AGAP1: variants seen among roughly 807,000 people sequenced by gnomAD.
AGAP1 encodes arf-GAP with GTPase, ANK repeat and PH domain-containing protein 1.
A neutral mutation model predicts 105.3 loss-of-function variants in AGAP1; 29 were observed. The observed-to-expected ratio is 0.28, with a 90% confidence interval of 0.21 to 0.38. AGAP1 has a LOEUF of 0.38. AGAP1 is among the 10% of genes least tolerant of loss of function. AGAP1 has a pLI of 1.00. For synonymous variants in AGAP1, 509 were observed against 485.9 expected (o/e 1.05, Z -0.63); for missense variants, 998 against 1,165.1 (o/e 0.86, Z 2.09).
In AGAP1 at chr2:236,078,499, T is replaced by C. The variant is rs946845840; in HGVS notation, c.2114+29218T>C. On this transcript the variant is annotated intron_variant, in intron 16 of 17. Transcript: ENST00000304032. The surrounding 1 kb of genome is among the most constrained non-coding windows in gnomAD (Gnocchi z 5.3). The stretch of plus-strand genomic sequence containing the variant: ...ATCATGAGTCATCCTGCTATGACTT[T>C]AATTGCCTGGAGAATTCCTTCCCAG... Among the ~76,000 whole-genome samples the C allele has an allele frequency of 1.4e-4, 22 of 152,188 alleles. No homozygotes were observed. The highest frequency in any genetic ancestry group is 5.3e-4 in the African/African-American group (22 of 41,454).
At chr2:235,542,225 G>GC (rs1330569452) in intron 1 of AGAP1, among the ~76,000 whole-genome samples, 1 of 152,118 alleles carries the variant, frequency 6.6e-6, no homozygotes, top group Non-Finnish European at 1.5e-5. Flanking sequence ...CCCGGGGGGG[G>GC]GCCAGTTGTC....
intron 1 of AGAP1, among the ~76,000 whole-genome samples, chr2:235,521,742 ATGTGTG>A (rs59090836): frequency 1.1e-3 from 133 of 121,608 alleles, no homozygotes; most frequent in Non-Finnish European, 1.9e-3. Context: ...TGTTATATAT[ATGTGTG>A]TGTGTGTGTG....
At chr2:235,782,198 A>G (rs1030710740) in intron 6 of AGAP1, among the ~76,000 whole-genome samples, 1 of 151,894 alleles carries the variant, frequency 6.6e-6, no homozygotes, top group African/African-American at 2.4e-5. Flanking sequence ...GGTTGAGTGG[A>G]TTTTCAATCT....
chr2:236,107,801 C>G (rs532605829), intron 16 of AGAP1, among the ~76,000 whole-genome samples: 155 of 152,330 alleles, frequency 1.0e-3, no homozygotes, highest in African/African-American at 3.7e-3. Flanking sequence ...CTGCACCTGC[C>G]GGGGGATCTG....
Position 235,560,580 on chromosome 2 carries a change from G to A in AGAP1, c.163+65731G>A, listed in dbSNP as rs1303279607. 2.6e-5 allele frequency among the ~76,000 whole-genome samples: 4 copies of A among 152,166 alleles called. No individual in the cohort carries two copies. The East Asian group carries it at 5.8e-4, about 22-fold the overall frequency. Reference sequence around the variant, plus strand: ...AAGAGGGAAGTGAAAGAGGAGAGTCGGGGACTGTGGAAGGAGGGCGAGAGA... The same window carrying A: ...AAGAGGGAAGTGAAAGAGGAGAGTCAGGGACTGTGGAAGGAGGGCGAGAGA... On this transcript the variant is annotated intron_variant, in intron 1 of 17. Coordinates refer to ENST00000304032, the MANE Select transcript of AGAP1 (RefSeq NM_001037131.3).
At chr2:236,099,874 T>C (rs972498698) in intron 16 of AGAP1, among the ~76,000 whole-genome samples, 1 of 152,018 alleles carries the variant, frequency 6.6e-6, no homozygotes, top group African/African-American at 2.4e-5. Flanking sequence ...ACCCCGTCTC[T>C]ACTAAAAATA....
rs754482321 is a variant in AGAP1 at position 235,992,320 on chromosome 2, C to T, written c.1645+23697C>T. ...GGCCTGGGCGAGTGCCTCACGCTCCCGTCAGTGCTCTCAGCTGTAAAATGG... is the reference window on the plus strand; with the variant it reads ...GGCCTGGGCGAGTGCCTCACGCTCCTGTCAGTGCTCTCAGCTGTAAAATGG... On this transcript the variant is annotated intron_variant, in intron 13 of 17. Coordinates refer to ENST00000304032, the MANE Select transcript of AGAP1 (RefSeq NM_001037131.3). This position sits in a 1 kb window ranked among gnomAD's most constrained non-coding sequence, Gnocchi z 4.8. 2.0e-5 allele frequency among the ~76,000 whole-genome samples: 3 copies of T among 152,200 alleles called. No individual in the cohort carries two copies. The highest frequency in any genetic ancestry group is 2.1e-4 in the South Asian group (1 of 4,828).
At position 235,732,725 on chromosome 2, in the gene AGAP1, C is replaced by T. The variant is rs1169285085; in HGVS notation, c.311-8238C>T. On this transcript the variant is annotated intron_variant, in intron 3 of 17. Transcript: ENST00000304032. This position sits in a 1 kb window ranked among gnomAD's most constrained non-coding sequence, Gnocchi z 4.8. Reference sequence around the variant, plus strand: ...TGTCTTTCCCTGAGACCGATGCTGACCACTGGGAAGACTTCTCCCTCATTC... The same window carrying T: ...TGTCTTTCCCTGAGACCGATGCTGATCACTGGGAAGACTTCTCCCTCATTC... 6.6e-6 allele frequency among the ~76,000 whole-genome samples: 1 copy of T among 152,166 alleles called. No homozygotes were observed. Among genetic ancestry groups the T allele is most frequent in the Non-Finnish European group, 1.5e-5 (1 of 68,030 alleles).
chr2:235,529,766 A>C (rs1055020835), intron 1 of AGAP1, among the ~76,000 whole-genome samples: 25 of 152,156 alleles, frequency 1.6e-4, no homozygotes, highest in Non-Finnish European at 3.7e-4. Flanking sequence ...GCAGCCGAGG[A>C]AAGAAGTGAA....
rs1302485099 is a variant in AGAP1 at position 235,982,704 on chromosome 2, G to C, written c.1645+14081G>C. 6.6e-6 allele frequency among the ~76,000 whole-genome samples: 1 copy of C among 152,212 alleles called. No homozygotes were observed. The highest frequency in any genetic ancestry group is 1.5e-5 in the Non-Finnish European group (1 of 68,042). On this transcript the variant is annotated intron_variant, in intron 13 of 17. Coordinates refer to ENST00000304032, the MANE Select transcript of AGAP1 (RefSeq NM_001037131.3). The surrounding 1 kb of genome is among the most constrained non-coding windows in gnomAD (Gnocchi z 4.9). ...AGGAAAGAACCGAAGCCAGCCCTTGGCTGCCATTCTTTCCAGACTTCCACC... is the reference window on the plus strand; with the variant it reads ...AGGAAAGAACCGAAGCCAGCCCTTGCCTGCCATTCTTTCCAGACTTCCACC...
At chr2:235,980,931 A>C (rs750928528) in intron 13 of AGAP1, among the ~76,000 whole-genome samples, 1 of 152,220 alleles carries the variant, frequency 6.6e-6, no homozygotes, top group Non-Finnish European at 1.5e-5. Context: ...AGACAATTAA[A>C]CCAATGTTAC....
rs938229634 is a variant in AGAP1, at chr2:236,061,800, A to C, written c.2114+12519A>C. On this transcript the variant is annotated intron_variant, in intron 16 of 17. Coordinates refer to ENST00000304032, the MANE Select transcript of AGAP1 (RefSeq NM_001037131.3). This position sits in a 1 kb window ranked among gnomAD's most constrained non-coding sequence, Gnocchi z 4.1. ...ATTTACATAGTAGTGATGGTTGTAC[A>C]TCCTTGCAAATATACTAAAAACCAC... is the stretch of plus-strand genomic sequence containing the variant. Among the ~76,000 whole-genome samples, 1 of 152,020 alleles carries C rather than the reference A, an allele frequency of 6.6e-6. No individual in the cohort carries two copies. Among genetic ancestry groups the C allele is most frequent in the Admixed American group, 6.6e-5 (1 of 15,256 alleles).
intron 8 of AGAP1, among the ~76,000 whole-genome samples, chr2:235,803,299 A>G (rs1481689018): frequency 6.6e-6 from 1 of 152,232 alleles, no homozygotes; most frequent in Non-Finnish European, 1.5e-5. Context: ...AGGAACAAAA[A>G]GAAGGCAAAT....
Position 235,689,235 on chromosome 2 carries a change from A to G in AGAP1, c.164-19944A>G, listed in dbSNP as rs1042419722. ...ATGCCTTGGACACTCTTCATTCGCTAGCACCGAGATGGTTCAGGGCACTTT... is the reference window on the plus strand; with the variant it reads ...ATGCCTTGGACACTCTTCATTCGCTGGCACCGAGATGGTTCAGGGCACTTT... On this transcript the variant is annotated intron_variant, in intron 1 of 17. Coordinates refer to ENST00000304032, the MANE Select transcript of AGAP1 (RefSeq NM_001037131.3). The surrounding 1 kb of genome is among the most constrained non-coding windows in gnomAD (Gnocchi z 4.2). 6.6e-6 allele frequency among the ~76,000 whole-genome samples: 1 copy of G among 152,094 alleles called. No individual in the cohort carries two copies. Among genetic ancestry groups the G allele is most frequent in the African/African-American group, 2.4e-5 (1 of 41,420 alleles).
intron 9 of AGAP1, among the ~76,000 whole-genome samples, chr2:235,822,987 C>T (rs1052973450): frequency 4.6e-5 from 7 of 152,054 alleles, no homozygotes; most frequent in Non-Finnish European, 8.8e-5. Context: ...AGGTGTGGCT[C>T]GCTGTTTAGG....
At chr2:235,531,665 T>A (rs1400556481) in intron 1 of AGAP1, among the ~76,000 whole-genome samples, 1 of 150,552 alleles carries the variant, frequency 6.6e-6, no homozygotes, top group African/African-American at 2.5e-5. Context: ...TGGAGTGCAG[T>A]GGCGCGATCT....
chr2:235,784,988 A>G (rs1460690146), intron 6 of AGAP1, among the ~76,000 whole-genome samples: 1 of 152,200 alleles, frequency 6.6e-6, no homozygotes, highest in Non-Finnish European at 1.5e-5. Context: ...TTGCATCACA[A>G]TACATTGTAT....
At chr2:235,814,719 C>A (rs1323567887) in intron 9 of AGAP1, among the ~76,000 whole-genome samples, 1 of 152,084 alleles carries the variant, frequency 6.6e-6, no homozygotes, top group Non-Finnish European at 1.5e-5. Flanking sequence ...GAGGTGGGGA[C>A]AATCCCACTG....
intron 11 of AGAP1, among the ~76,000 whole-genome samples, chr2:235,928,894 G>A (rs1341455603): frequency 1.6e-4 from 25 of 152,204 alleles, no homozygotes; most frequent in Non-Finnish European, 2.9e-5. Flanking sequence ...CACATGCCTG[G>A]CCCACCTCCC....
Sources: gnomAD v4.1 joint callset for allele counts (sites outside exome capture counted in the v4.1 genomes callset) on GRCh38, gnomAD v4.1.1 for gene constraint, Gnocchi (gnomAD v3.1) non-coding constraint, MANE v1.5 for transcripts, NCBI Gene and HGNC (gene_info 2026-07-23, HGNC 2026-07-21) for gene names.